The following CDH11 variants were observed in gnomAD, a reference collection of about 807,000 sequenced individuals.
CDH11 encodes cadherin-11.
A neutral mutation model predicts 67.8 loss-of-function variants in CDH11; 11 were observed. The ratio of observed to expected loss-of-function variants is 0.16; its 90% CI spans 0.10 to 0.27. CDH11 has a LOEUF of 0.27. Among genes scored for constraint, CDH11 ranks in the 10% least tolerant of loss-of-function variants. The probability of loss-of-function intolerance (pLI) is 1.00; values close to 1 mark genes in which losing one functional copy is unlikely to be tolerated. For missense variants in CDH11, 847 were observed against 1,031.2 expected, an observed-to-expected ratio of 0.82 and a Z score of 2.45; for synonymous variants, 419 against 400.0, an observed-to-expected ratio of 1.05 and a Z score of -0.57.
At chr16:65,099,934 C>A (rs1471420657) in intron 1 of CDH11, among the ~76,000 whole-genome samples, 1 of 151,906 alleles carries the variant, frequency 6.6e-6, no homozygotes, top group Non-Finnish European at 1.5e-5. Context: ...GTGTTCTGCA[C>A]AAAGGAAGGA....
chr16:64,991,445 T>C lies in CDH11; in HGVS notation c.811+323A>G, dbSNP rs188905569. 2.7e-5 allele frequency: 7 copies of C among 260,316 alleles called. No individual in the cohort carries two copies. The East Asian group carries it at 4.6e-4, about 17-fold the overall frequency. 16.1% of individuals were successfully genotyped at this position (260,316 alleles called of 1,614,324 possible). ...GGGACTGTTATATCCAGGTTAGAAA[T>C]GAGGACACTGAGGCAGAAAAGGGTT... On this transcript the variant is annotated intron_variant, in intron 6 of 12. Transcript: ENST00000268603.
chr16:64,998,552 C>A lies in CDH11; in HGVS notation c.523+10G>T. Reference sequence around the variant, plus strand: ...CTGGAAGCAGAGCAGGCCTCCCACACCGTACGCACCCACATTGGACCTCTC... The same window carrying A: ...CTGGAAGCAGAGCAGGCCTCCCACAACGTACGCACCCACATTGGACCTCTC... On this transcript the variant is annotated intron_variant, in intron 4 of 12. Coordinates refer to ENST00000268603, the MANE Select transcript of CDH11 (RefSeq NM_001797.4). 4.3e-6 allele frequency: 7 copies of A among 1,612,600 alleles called. No individual in the cohort carries two copies. The highest frequency in any genetic ancestry group is 2.2e-5 in the East Asian group (1 of 44,840).
intron 2 of CDH11, among the ~76,000 whole-genome samples, chr16:65,013,928 C>T (rs2073237396): frequency 6.6e-6 from 1 of 152,148 alleles, no homozygotes; most frequent in African/African-American, 2.4e-5. Context: ...CAGTACCTGT[C>T]ATATGGTAAT....
intron 2 of CDH11, among the ~76,000 whole-genome samples, chr16:65,021,938 G>A (rs1013004863): frequency 2.6e-5 from 4 of 151,022 alleles, no homozygotes; most frequent in Non-Finnish European, 5.9e-5. Context: ...CCATGGAGGG[G>A]TAAAGTTTAA....
Position 64,982,100 on chromosome 16 carries a change from C to T in CDH11, c.1201G>A (p.Val401Met), listed in dbSNP as rs143309623. The change falls in exon 8 of 13, where the codon GTG becomes ATG. Residue 401 changes from valine (V) to methionine (M), a missense_variant. Transcript: ENST00000268603. ...EVQENAAAGTVVGRVHAKDPD... is the reference protein window; with the variant it reads ...EVQENAAAGTMVGRVHAKDPD... ...TCTTTGGCATGCACTCTCCCAACCA[C>T]GGTGCCAGCAGCTGCATTTTCTTGG... 22 of 1,613,896 alleles carry T rather than the reference C, an allele frequency of 1.4e-5. No homozygotes were observed. The highest frequency in any genetic ancestry group is 2.2e-5 in the East Asian group (1 of 44,874).
chr16:65,007,538 G>T (rs1427775912), intron 2 of CDH11, among the ~76,000 whole-genome samples: 3 of 152,164 alleles, frequency 2.0e-5, no homozygotes, highest in African/African-American at 7.2e-5. Flanking sequence ...CAGAGGACGG[G>T]TTAGATGCTA....
chr16:65,106,587 C>T (rs2075070475), intron 1 of CDH11, among the ~76,000 whole-genome samples: 2 of 152,152 alleles, frequency 1.3e-5, no homozygotes, highest in African/African-American at 4.8e-5. Context: ...ATGCAACATA[C>T]AAGACCTTAA....
At chr16:65,098,528 G>C (rs1176549843) in intron 1 of CDH11, among the ~76,000 whole-genome samples, 1 of 151,990 alleles carries the variant, frequency 6.6e-6, no homozygotes, top group Non-Finnish European at 1.5e-5. Context: ...GTGTGTGTGT[G>C]TGTGTGTGTG....
At chr16:64,976,403 A>G (rs1007292341) in intron 8 of CDH11, among the ~76,000 whole-genome samples, 2 of 150,470 alleles carry the variant, frequency 1.3e-5, no homozygotes, top group Admixed American at 1.3e-4. Flanking sequence ...AGTCTGAGAC[A>G]AAAAAAAACA....
chr16:65,031,230 C>T (rs977782626), intron 2 of CDH11, among the ~76,000 whole-genome samples: 4 of 152,176 alleles, frequency 2.6e-5, no homozygotes, highest in African/African-American at 9.7e-5. Flanking sequence ...AATGCATTCA[C>T]CAAACATACC....
At chr16:65,039,360 G>A (rs2073818889) in intron 2 of CDH11, among the ~76,000 whole-genome samples, 1 of 152,128 alleles carries the variant, frequency 6.6e-6, no homozygotes, top group African/African-American at 2.4e-5. Context: ...TATCAAAACA[G>A]AGATATAGAC....
At chr16:65,109,372 T>C (rs954740511) in intron 1 of CDH11, among the ~76,000 whole-genome samples, 3 of 152,102 alleles carry the variant, frequency 2.0e-5, no homozygotes, top group Non-Finnish European at 4.4e-5. Flanking sequence ...CTTTCAAAGG[T>C]GTATCAGAAA....
At chr16:65,122,109 GTGGCGGGCGGGCAGGCGGGTGCGGGGC>G, upstream of CDH11, 3 of 543,062 alleles carry the variant, frequency 5.5e-6, no homozygotes, top group South Asian at 6.3e-5. Context: ...CCGGGGGGAG[GTGGCGGGCGGGCAGGCGGGTGCGGGGC>G]GGGGGGGGCG....
chr16:65,033,896 G>C lies in CDH11; in HGVS notation c.-173+19908C>G, dbSNP rs560706628. Among the ~76,000 whole-genome samples, 7 of 152,234 alleles carry C rather than the reference G, an allele frequency of 4.6e-5. No individual in the cohort carries two copies. The South Asian group carries it at 1.4e-3, about 32-fold the overall frequency. ...TCTCCAGGTGGCGGCATGGTATGAA[G>C]CACTTAAGCAGTATTCAAAGAATAC... On this transcript the variant is annotated intron_variant, in intron 2 of 12. Transcript: ENST00000268603.
At chr16:65,019,080 C>T (rs2073372402) in intron 2 of CDH11, among the ~76,000 whole-genome samples, 2 of 152,134 alleles carry the variant, frequency 1.3e-5, no homozygotes, top group South Asian at 4.1e-4. Context: ...CACATTTATA[C>T]AAATAAAACC....
intron 1 of CDH11, among the ~76,000 whole-genome samples, chr16:65,092,757 T>C (rs1281120573): frequency 6.6e-6 from 1 of 151,412 alleles, no homozygotes; most frequent in Non-Finnish European, 1.5e-5. Flanking sequence ...GACACTGAGG[T>C]TCCTCCTCAT....
intron 2 of CDH11, among the ~76,000 whole-genome samples, chr16:65,052,988 A>C (rs2074082977): frequency 2.0e-5 from 3 of 152,168 alleles, no homozygotes; most frequent in African/African-American, 7.2e-5. Context: ...TATTACAGGA[A>C]TGTGGGACCC....
chr16:65,003,241 T>C (rs2072968350), intron 3 of CDH11, among the ~76,000 whole-genome samples: 1 of 151,948 alleles, frequency 6.6e-6, no homozygotes, highest in Non-Finnish European at 1.5e-5. Flanking sequence ...TCATCTTTTT[T>C]ATTATTTATT....
rs1243991760 is a variant in CDH11, at chr16:64,988,235, A to C, written c.921T>G (p.Ile307Met). ...ACGATTCCATACCATCTCCATCAAC[A>C]ATATTGTATGTGACTAAGCCATTTT... ...IGENGLVTYN[I>M]VDGDGMESFE... The change falls in exon 7 of 13, where the codon ATT (isoleucine) becomes ATG (methionine). Residue 307 changes from isoleucine to methionine, a missense_variant. Physicochemically the swap from Ile to Met is conservative, Grantham distance 10. This residue lies in a region of CDH11 where 612 missense variants were observed against 678.7 expected (regional missense o/e 0.90). Transcript: ENST00000268603. 12 of 1,613,342 alleles carry C rather than the reference A, an allele frequency of 7.4e-6. 1 individual carries two copies. In the African/African-American group the frequency reaches 1.6e-4, roughly 22 times the overall value.
Sources: gnomAD v4.1 joint callset for allele counts (sites outside exome capture counted in the v4.1 genomes callset) on GRCh38, gnomAD v4.1.1 for gene constraint, gnomAD v4.1.1 regional missense constraint, MANE v1.5 for transcripts, NCBI Gene and HGNC (gene_info 2026-07-23, HGNC 2026-07-21) for gene names.